MLYCD: variants seen among roughly 807,000 people sequenced by gnomAD.
MLYCD encodes malonyl-CoA decarboxylase.
MLYCD carries 27 observed loss-of-function variants against 35.8 expected under a neutral mutation model. The ratio of observed to expected loss-of-function variants is 0.75; its 90% CI spans 0.56 to 1.04. The LOEUF (loss-of-function observed/expected upper bound fraction) is 1.04. MLYCD is among the 50% of genes least tolerant of loss of function. MLYCD has a pLI of 0.00. For synonymous variants in MLYCD, 403 were observed against 302.4 expected, an observed-to-expected ratio of 1.33 and a Z score of -3.45; for missense variants, 917 against 665.1, an observed-to-expected ratio of 1.38 and a Z score of -4.17.
intron 1 of MLYCD, among the ~76,000 whole-genome samples, chr16:83,906,067 A>T (rs1402147452): frequency 6.6e-6 from 1 of 152,204 alleles, no homozygotes; most frequent in East Asian, 1.9e-4. Context: ...CTATTATTTT[A>T]TGTCCCTCTA....
At chr16:83,906,933 A>T in intron 1 of MLYCD, 54 bp from the exon 2 acceptor site, 4 of 1,439,630 alleles carry the variant, frequency 2.8e-6, no homozygotes, top group Admixed American at 1.7e-5. Context: ...CAACACAGAG[A>T]TGGGCTTGAT....
chr16:83,911,523 A>T (rs1488154999), intron 3 of MLYCD, among the ~76,000 whole-genome samples: 1 of 152,186 alleles, frequency 6.6e-6, no homozygotes, highest in African/African-American at 2.4e-5. Context: ...TCGGAGTATA[A>T]GGGATTAGAA....
intron 1 of MLYCD, among the ~76,000 whole-genome samples, chr16:83,902,977 T>G (rs946787469): frequency 2.6e-5 from 4 of 152,080 alleles, no homozygotes. Context: ...GGATGGTGGT[T>G]TATAGGCTTT....
chr16:83,902,154 CGTAT>C lies in MLYCD; in HGVS notation c.528+2483_528+2486del, dbSNP rs1232995262. 8.4e-3 allele frequency among the ~76,000 whole-genome samples: 706 copies of C among 84,384 alleles called. 7 individuals carry two copies. The highest frequency in any genetic ancestry group is 0.023 in the African/African-American group (534 of 23,412). 55.4% of individuals were successfully genotyped at this position (84,384 alleles called of 152,430 possible). On this transcript the variant is annotated intron_variant, in intron 1 of 4. Transcript: ENST00000262430. ...ATATGTGTGTGTGTGTGTGTGCGTG[CGTAT>C]ATATATATATATATATATATATATA...
chr16:83,902,602 T>C (rs1004037310), intron 1 of MLYCD, among the ~76,000 whole-genome samples: 1 of 149,918 alleles, frequency 6.7e-6, no homozygotes, highest in Non-Finnish European at 1.5e-5. Flanking sequence ...GCCTCCCAGG[T>C]TCAAGCCATT....
chr16:83,906,822 G>T lies in MLYCD; in HGVS notation c.529-165G>T, dbSNP rs75434102. Among the ~76,000 whole-genome samples, 20 of 152,328 alleles carry T rather than the reference G, an allele frequency of 1.3e-4. 1 individual carries two copies. In the East Asian group the frequency reaches 3.7e-3, roughly 28 times the overall value. ...GAAAGCCTGACTTGGTTTGAGATAA[G>T]ATGTCTGACAGAGGAATCTTGGGAA... On this transcript the variant is annotated intron_variant, in intron 1 of 4. Coordinates refer to ENST00000262430, the MANE Select transcript of MLYCD (RefSeq NM_012213.3).
At position 83,916,222 on chromosome 16, in the gene MLYCD, A is replaced by T. The variant is rs1907381191; in HGVS notation, c.*733A>T. 1.0e-6 allele frequency: 1 copy of T among 987,576 alleles called. No homozygotes were observed. Among genetic ancestry groups the T allele is most frequent in the African/African-American group, 1.7e-5 (1 of 57,280 alleles). 61.2% of individuals were successfully genotyped at this position (987,576 alleles called of 1,614,324 possible). On this transcript the variant is annotated 3_prime_UTR_variant, in exon 5 of 5. Transcript: ENST00000262430. ...GTGGTGGTCGTCTTTAAGATTAGAG[A>T]CCTGGGAAGGCTGGAATCAGCCAGC...
At chr16:83,903,634 C>A (rs941957151) in intron 1 of MLYCD, among the ~76,000 whole-genome samples, 1 of 152,148 alleles carries the variant, frequency 6.6e-6, no homozygotes, top group Non-Finnish European at 1.5e-5. Flanking sequence ...TCATACAAGT[C>A]AATGGAATTA....
chr16:83,927,010 AAAT>A lies in MLYCD; in HGVS notation c.*11524_*11526del, dbSNP rs1007377469. The A allele has an allele frequency of 1.8e-4, 26 of 141,808 alleles. No individual in the cohort carries two copies. The highest frequency in any genetic ancestry group is 7.3e-4 in the African/African-American group (26 of 35,450). The allele number at this position is 141,808 out of a possible 1,614,324, so 8.8% of individuals were successfully genotyped here. A position where few individuals can be genotyped will look rare whatever the true frequency, so the allele number is the denominator to read the frequency against. Reference sequence around the variant, plus strand: ...GAGACTACGTCTCAAAAAAAAATAAAAATAAAAAAATAAAATCCTAACAGGTAG... The same window carrying A: ...GAGACTACGTCTCAAAAAAAAATAAAAAAAAAATAAAATCCTAACAGGTAG... On this transcript the variant is annotated 3_prime_UTR_variant, in exon 5 of 5. Transcript: ENST00000262430.
chr16:83,910,650 C>T (rs1907141515), intron 3 of MLYCD, among the ~76,000 whole-genome samples: 1 of 149,820 alleles, frequency 6.7e-6, no homozygotes, highest in African/African-American at 2.5e-5. Flanking sequence ...GAGGTCGTGC[C>T]ACTGCACTCC....
chr16:83,899,774 C>T, intron 1 of MLYCD, 102 bp downstream of exon 1: 2 of 1,331,008 alleles, frequency 1.5e-6, no homozygotes, highest in Non-Finnish European at 2.0e-6. Flanking sequence ...CCTTCCCTGC[C>T]CGATAGCACG....
At position 83,917,696 on chromosome 16, in the gene MLYCD, C is replaced by T. The variant is rs1203260009; in HGVS notation, c.*2207C>T. The T allele has an allele frequency of 1.3e-5, 2 of 152,392 alleles. No homozygotes were observed. Among genetic ancestry groups the T allele is most frequent in the East Asian group, 3.9e-4 (2 of 5,186 alleles). 9.4% of individuals were successfully genotyped at this position (152,392 alleles called of 1,614,324 possible). A position where few individuals can be genotyped will look rare whatever the true frequency, so the allele number is the denominator to read the frequency against. On this transcript the variant is annotated 3_prime_UTR_variant, in exon 5 of 5. Coordinates refer to ENST00000262430, the MANE Select transcript of MLYCD (RefSeq NM_012213.3). The stretch of plus-strand genomic sequence containing the variant: ...GCAGAGTTCTTTACCGTAAGCGTCC[C>T]CAGACCCTCAGGCCTGCGGAAACCT...
chr16:83,899,764 C>T, intron 1 of MLYCD, 92 bp downstream of exon 1: 2 of 1,364,542 alleles, frequency 1.5e-6, no homozygotes, highest in South Asian at 3.0e-5. Context: ...ACACACCCCG[C>T]CTTCCCTGCC....
intron 4 of MLYCD, chr16:83,912,782 C>G (rs1395909354): frequency 1.9e-5 from 6 of 314,320 alleles, no homozygotes; most frequent in African/African-American, 4.3e-5. Context: ...CCTGCCCACA[C>G]TCTCAGGGCC....
intron 4 of MLYCD, 38 bp downstream of exon 4, chr16:83,912,405 T>G: frequency 6.2e-7 from 1 of 1,613,534 alleles, no homozygotes; most frequent in Non-Finnish European, 8.5e-7. Flanking sequence ...ACGCTTGGCT[T>G]CCGTGTGGTC....
In MLYCD at chr16:83,918,078, C is replaced by T. The variant is rs1316206403; in HGVS notation, c.*2589C>T. 2 of 152,264 alleles carry T rather than the reference C, an allele frequency of 1.3e-5. No homozygotes were observed. The highest frequency in any genetic ancestry group is 2.9e-5 in the Non-Finnish European group (2 of 68,052). 9.4% of individuals were successfully genotyped at this position (152,264 alleles called of 1,614,324 possible). On this transcript the variant is annotated 3_prime_UTR_variant, in exon 5 of 5. Coordinates refer to ENST00000262430, the MANE Select transcript of MLYCD (RefSeq NM_012213.3). ...GTAGGTCTCGGAATAGTGTTCAAAT[C>T]CATTTTACTATTGCGGCCAAGGAGC...
rs1288441340 is a variant in MLYCD at position 83,918,066 on chromosome 16, T to G, written c.*2577T>G. 6.6e-6 allele frequency: 1 copy of G among 152,248 alleles called. No individual in the cohort carries two copies. The highest frequency in any genetic ancestry group is 1.5e-5 in the Non-Finnish European group (1 of 68,044). 9.4% of individuals were successfully genotyped at this position (152,248 alleles called of 1,614,324 possible). A position where few individuals can be genotyped will look rare whatever the true frequency, so the allele number is the denominator to read the frequency against. ...AGCACGCCTGAGGTAGGTCTCGGAA[T>G]AGTGTTCAAATCCATTTTACTATTG... On this transcript the variant is annotated 3_prime_UTR_variant, in exon 5 of 5. Coordinates refer to ENST00000262430, the MANE Select transcript of MLYCD (RefSeq NM_012213.3).
rs1482638117 is a variant in MLYCD at position 83,920,834 on chromosome 16, C to T, written c.*5345C>T. ...GTTTTTATCAAACTTTATCTTTGTA[C>T]TTCTTACAGTGCTTCACATTTAGCA... On this transcript the variant is annotated 3_prime_UTR_variant, in exon 5 of 5. Coordinates refer to ENST00000262430, the MANE Select transcript of MLYCD (RefSeq NM_012213.3). 1.3e-5 allele frequency: 2 copies of T among 152,222 alleles called. No homozygotes were observed. Among genetic ancestry groups the T allele is most frequent in the Non-Finnish European group, 2.9e-5 (2 of 68,046 alleles). 9.4% of individuals were successfully genotyped at this position (152,222 alleles called of 1,614,324 possible).
rs142133099 is a variant in MLYCD at position 83,907,172 on chromosome 16, A to G, written c.641+73A>G. The G allele has an allele frequency of 1.0e-5, 13 of 1,274,966 alleles. No individual in the cohort carries two copies. The African/African-American group carries it at 1.0e-4, about 10-fold the overall frequency. 79.0% of individuals were successfully genotyped at this position (1,274,966 alleles called of 1,614,324 possible). A position where few individuals can be genotyped will look rare whatever the true frequency, so the allele number is the denominator to read the frequency against. ...TATTTGTGTATGTTTTATATTGGCT[A>G]AAAGCTAATCTATCTCCATTCATAT... On this transcript the variant is annotated intron_variant, in intron 2 of 4. Transcript: ENST00000262430.
Sources: gnomAD v4.1 joint callset for allele counts (sites outside exome capture counted in the v4.1 genomes callset) on GRCh38, gnomAD v4.1.1 for gene constraint, MANE v1.5 for transcripts, NCBI Gene and HGNC (gene_info 2026-07-23, HGNC 2026-07-21) for gene names.